The following FUT8 variants were observed in gnomAD, a reference collection of about 807,000 sequenced individuals.
FUT8 encodes the protein alpha-(1,6)-fucosyltransferase.
A neutral mutation model predicts 71.3 loss-of-function variants in FUT8; 29 were observed. That is an observed-to-expected ratio of 0.41 (90% CI 0.30 to 0.55). The LOEUF (loss-of-function observed/expected upper bound fraction) is 0.55, where lower values mean the gene tolerates loss of function less well. Among genes scored for constraint, FUT8 ranks in the 20% least tolerant of loss-of-function variants. The probability of loss-of-function intolerance (pLI) is 0.34; values close to 1 mark genes in which losing one functional copy is unlikely to be tolerated. For synonymous variants in FUT8, 254 were observed against 239.3 expected, an observed-to-expected ratio of 1.06 and a Z score of -0.57; for missense variants, 544 against 702.1, an observed-to-expected ratio of 0.77 and a Z score of 2.55.
At chr14:65,383,097 G>A in the FUT8 span, among the ~76,000 whole-genome samples, 21 of 151,518 alleles carry the variant, frequency 1.4e-4, no homozygotes, top group South Asian at 4.0e-3. Flanking sequence ...ACCAACCAAC[G>A]CCCCATTTTA....
chr14:65,464,369 C>A (rs2066011306), intron 2 of FUT8, among the ~76,000 whole-genome samples: 1 of 148,390 alleles, frequency 6.7e-6, no homozygotes, highest in African/African-American at 2.5e-5. Flanking sequence ...TGTTTTACTG[C>A]ATTAGCTAGG....
At chr14:65,537,982 G>A (rs920329715) in intron 2 of FUT8, among the ~76,000 whole-genome samples, 12 of 152,166 alleles carry the variant, frequency 7.9e-5, no homozygotes, top group African/African-American at 2.4e-4. Flanking sequence ...GCAATGTGGC[G>A]GGGTGCATGT....
intron 6 of FUT8, among the ~76,000 whole-genome samples, chr14:65,637,807 C>A (rs1890638279): frequency 6.6e-6 from 1 of 152,080 alleles, no homozygotes. Flanking sequence ...ACGGGACTTA[C>A]TTCTGGTCTT....
chr14:65,470,520 G>T (rs2066126410), intron 2 of FUT8, among the ~76,000 whole-genome samples: 1 of 152,212 alleles, frequency 6.6e-6, no homozygotes, highest in Non-Finnish European at 1.5e-5. Flanking sequence ...CCAGATCCTT[G>T]CTGGACCTGG....
Position 65,743,288 on chromosome 14 carries a change from T to TTAA in FUT8, c.*879_*881dup, listed in dbSNP as rs1896593304. The stretch of plus-strand genomic sequence containing the variant: ...CTGTTTCTGATATAGTAACTAATTC[T>TTAA]TAACTCAGAGACATTGGTCCATTTT... On this transcript the variant is annotated 3_prime_UTR_variant, in exon 11 of 11. Transcript: ENST00000673929. 1 of 151,934 alleles carries TTAA rather than the reference T, an allele frequency of 6.6e-6. No individual in the cohort carries two copies. Among genetic ancestry groups the TTAA allele is most frequent in the African/African-American group, 2.4e-5 (1 of 41,402 alleles). The allele number at this position is 151,934 out of a possible 1,614,324, so 9.4% of individuals were successfully genotyped here.
At chr14:65,655,738 G>A (rs113883245) in intron 6 of FUT8, among the ~76,000 whole-genome samples, 2,345 of 152,116 alleles carry the variant, frequency 0.015, 62 homozygotes, top group African/African-American at 0.053. Context: ...GCATTAGACC[G>A]AAAACAAACA....
chr14:65,708,352 G>A (rs929163787), intron 7 of FUT8, among the ~76,000 whole-genome samples: 1 of 152,300 alleles, frequency 6.6e-6, no homozygotes, highest in East Asian at 1.9e-4. Flanking sequence ...TGAACTGTGA[G>A]TCAATTAAAC....
Position 65,655,800 on chromosome 14 carries a change from T to TC in FUT8, c.598-13442dup, listed in dbSNP as rs1466542557. On this transcript the variant is annotated intron_variant, in intron 6 of 10. Coordinates refer to ENST00000673929, the MANE Select transcript of FUT8 (RefSeq NM_001371533.1). ...TTTATCCCTGGGACACAAGAATTGT[T>TC]CAACATACACAAATCAATCATTGTG... 2.6e-5 allele frequency among the ~76,000 whole-genome samples: 4 copies of TC among 152,232 alleles called. No individual in the cohort carries two copies. In the East Asian group the frequency reaches 7.7e-4, roughly 29 times the overall value.
At chr14:65,488,660 C>G (rs2066442642) in intron 2 of FUT8, 1 of 152,174 alleles carries the variant, frequency 6.6e-6, no homozygotes, top group Admixed American at 6.5e-5. Context: ...TGTAAATCTT[C>G]TTAGTATCTG....
intron 6 of FUT8, among the ~76,000 whole-genome samples, chr14:65,644,875 A>G (rs1891050479): frequency 6.6e-6 from 1 of 152,206 alleles, no homozygotes; most frequent in African/African-American, 2.4e-5. Flanking sequence ...TCTGACATAC[A>G]TACTTTCTCT....
Position 65,615,988 on chromosome 14 carries a change from G to A in FUT8, c.214G>A (p.Gly72Ser). ...TTCCCTAAACTACAGGATACCAGAA[G>A]GCCCTATTGATCAGGGGCCAGCTAT... The part of the protein sequence containing the change: ...RMAESLRIPE[G>S]PIDQGPAIGR... The change falls in exon 4 of 11, where the codon GGC becomes AGC. Residue 72 changes from glycine to serine, a missense_variant. By Grantham distance (56) the Gly-to-Ser change is moderately conservative. Coordinates refer to ENST00000673929, the MANE Select transcript of FUT8 (RefSeq NM_001371533.1). 1.2e-6 allele frequency: 2 copies of A among 1,611,322 alleles called. No homozygotes were observed. Among genetic ancestry groups the A allele is most frequent in the Non-Finnish European group, 1.7e-6 (2 of 1,178,130 alleles).
Position 65,472,007 on chromosome 14 carries a change from T to C in FUT8, c.-228+16289T>C, listed in dbSNP as rs547478569. On this transcript the variant is annotated intron_variant, in intron 2 of 10. Transcript: ENST00000673929. The surrounding 1 kb of genome is among the most constrained non-coding windows in gnomAD (Gnocchi z 4.4). Reference sequence around the variant, plus strand: ...ATTAAAAAACTTCTCCAGAGGGAAGTTGATCATAGGACTGATTCTTATTAT... The same window carrying C: ...ATTAAAAAACTTCTCCAGAGGGAAGCTGATCATAGGACTGATTCTTATTAT... Among the ~76,000 whole-genome samples the C allele has an allele frequency of 1.7e-4, 26 of 152,296 alleles. No individual in the cohort carries two copies. The highest frequency in any genetic ancestry group is 4.6e-4 in the Admixed American group (7 of 15,300).
upstream of FUT8, chr14:65,412,706 G>A (rs1219720850): frequency 1.7e-5 from 3 of 178,866 alleles, no homozygotes; most frequent in African/African-American, 7.2e-5. Context: ...CAGAAGCCAG[G>A]AACGCCGAGG....
At chr14:65,404,488 TC>T in the FUT8 span, among the ~76,000 whole-genome samples, 1 of 151,646 alleles carries the variant, frequency 6.6e-6, no homozygotes, top group Middle Eastern at 3.4e-3. Context: ...CTTTTTTTTT[TC>T]TTTTTGAGAC....
chr14:65,730,501 GTC>G (rs1895925413), intron 9 of FUT8, among the ~76,000 whole-genome samples: 1 of 152,086 alleles, frequency 6.6e-6, no homozygotes, highest in Non-Finnish European at 1.5e-5. Context: ...GTAAAACCCT[GTC>G]TCTACTAAAA....
chr14:65,710,919 G>A (rs1894783804), intron 7 of FUT8, among the ~76,000 whole-genome samples: 2 of 152,188 alleles, frequency 1.3e-5, no homozygotes, highest in Admixed American at 6.5e-5. Context: ...TGGCAAGAGA[G>A]GAGGGAAGAG....
chr14:65,719,536 A>G (rs1895296983), intron 7 of FUT8, among the ~76,000 whole-genome samples: 1 of 152,042 alleles, frequency 6.6e-6, no homozygotes, highest in African/African-American at 2.4e-5. Context: ...GTGTCTGGGC[A>G]TTGAAGGTAT....
Position 65,531,031 on chromosome 14 carries a change from T to C in FUT8, c.-227-30306T>C, listed in dbSNP as rs963643562. On this transcript the variant is annotated intron_variant, in intron 2 of 10. Transcript: ENST00000673929. ...TTCTATCTGTTGAGATATAGTAAAA[T>C]ATGGTGTTTAAGTTTACTACTTCTT... 4.0e-5 allele frequency among the ~76,000 whole-genome samples: 6 copies of C among 149,740 alleles called. 1 individual carries two copies. The highest frequency in any genetic ancestry group is 4.0e-4 in the Admixed American group (6 of 15,086).
chr14:65,666,860 T>C (rs376203777), intron 6 of FUT8, among the ~76,000 whole-genome samples: 23 of 152,148 alleles, frequency 1.5e-4, no homozygotes, highest in East Asian at 5.8e-4. Flanking sequence ...GGATGCAAGA[T>C]TGGTTCAACA....
Sources: allele counts gnomAD v4.1 joint callset (sites outside exome capture counted in the v4.1 genomes callset), GRCh38; gene constraint gnomAD v4.1.1; non-coding constraint Gnocchi (gnomAD v3.1); transcripts MANE v1.5; gene names NCBI Gene and HGNC (gene_info 2026-07-23, HGNC 2026-07-21).